LARGE1: variants seen among roughly 807,000 people sequenced by gnomAD.
LARGE1 encodes xylosyl- and glucuronyltransferase LARGE1.
A neutral mutation model predicts 87.6 loss-of-function variants in LARGE1; 43 were observed. The ratio of observed to expected loss-of-function variants is 0.49; its 90% CI spans 0.38 to 0.63. The LOEUF is 0.63. LARGE1 is among the 30% of genes least tolerant of loss of function. The probability of loss-of-function intolerance (pLI) is 0.00; values close to 1 mark genes in which losing one functional copy is unlikely to be tolerated. For synonymous variants in LARGE1, 434 were observed against 394.6 expected (o/e 1.10, Z -1.18); for missense variants, 802 against 1,000.2 (o/e 0.80, Z 2.67).
At chr22:33,686,027 C>T (rs772427520) in intron 2 of LARGE1, among the ~76,000 whole-genome samples, 54 of 152,112 alleles carry the variant, frequency 3.6e-4, no homozygotes, top group Non-Finnish European at 7.5e-4. Flanking sequence ...TAGTATTTAT[C>T]GACTCATCTA....
intron 11 of LARGE1, among the ~76,000 whole-genome samples, chr22:33,259,125 G>A (rs1034501354): frequency 3.9e-5 from 6 of 152,122 alleles, no homozygotes; most frequent in African/African-American, 1.2e-4. Context: ...TGATTTGCCC[G>A]CCTTGGCCTC....
At chr22:33,312,778 G>A (rs1349026703) in intron 11 of LARGE1, among the ~76,000 whole-genome samples, 2 of 152,222 alleles carry the variant, frequency 1.3e-5, no homozygotes, top group African/African-American at 4.8e-5. Flanking sequence ...GGGGACAGAT[G>A]CAGTTGAAAG....
chr22:33,497,518 G>A (rs912437195), intron 6 of LARGE1, among the ~76,000 whole-genome samples: 10 of 152,140 alleles, frequency 6.6e-5, no homozygotes, highest in Non-Finnish European at 1.5e-4. Context: ...TAATTATTCT[G>A]CACAGTGTCT....
At chr22:33,866,695 C>T (rs975221124) in intron 1 of LARGE1, among the ~76,000 whole-genome samples, 4 of 152,130 alleles carry the variant, frequency 2.6e-5, no homozygotes, top group Non-Finnish European at 5.9e-5. Context: ...CCAGATGGAG[C>T]CCTAGAATGG....
chr22:33,844,762 C>T, intron 1 of LARGE1, among the ~76,000 whole-genome samples: 1 of 151,444 alleles, frequency 6.6e-6, no homozygotes. Flanking sequence ...CTCTTGTTGC[C>T]CAGGCTGGAA....
chr22:33,539,147 G>C (rs939451939), intron 6 of LARGE1, among the ~76,000 whole-genome samples: 2 of 152,064 alleles, frequency 1.3e-5, no homozygotes, highest in African/African-American at 2.4e-5. Flanking sequence ...TTTGGATTGT[G>C]ATGAAAAATG....
At chr22:33,116,366 T>G in the LARGE1 span, 34 of 131,798 alleles carry the variant, frequency 2.6e-4, no homozygotes, top group African/African-American at 5.2e-4. Context: ...TCTTTTTTGT[T>G]TTTTTTGAGA....
At chr22:33,196,048 A>G (rs192333174) in intron 11 of LARGE1, among the ~76,000 whole-genome samples, 4,503 of 151,232 alleles carry the variant, frequency 0.03, 94 homozygotes, top group Admixed American at 0.056. Flanking sequence ...GTGAGCCACC[A>G]CACCTGGCCT....
intron 11 of LARGE1, among the ~76,000 whole-genome samples, chr22:33,201,214 A>C (rs993736413): frequency 2.0e-5 from 3 of 152,124 alleles, no homozygotes; most frequent in African/African-American, 7.2e-5. Context: ...AGGCTGAGGC[A>C]GGAGAATCAC....
intron 7 of LARGE1, among the ~76,000 whole-genome samples, chr22:33,430,737 C>G (rs574469993): frequency 2.6e-5 from 4 of 152,202 alleles, no homozygotes; most frequent in Non-Finnish European, 5.9e-5. Context: ...TTTCCTTGTC[C>G]TCCTCTAGCT....
intron 1 of LARGE1, among the ~76,000 whole-genome samples, chr22:33,887,102 A>G (rs753667357): frequency 6.6e-6 from 1 of 152,190 alleles, no homozygotes; most frequent in Admixed American, 6.5e-5. Flanking sequence ...CAGAATTCCA[A>G]GTGAAAAGAA....
chr22:33,177,777 C>G (rs577639408), intron 11 of LARGE1, among the ~76,000 whole-genome samples: 1 of 152,314 alleles, frequency 6.6e-6, no homozygotes, highest in East Asian at 1.9e-4. Context: ...TATGGTTTGA[C>G]TCTGCATCCC....
intron 13 of LARGE1, among the ~76,000 whole-genome samples, chr22:33,280,670 G>A (rs1418637660): frequency 6.6e-6 from 1 of 152,138 alleles, no homozygotes; most frequent in Non-Finnish European, 1.5e-5. Context: ...GTTAAAACAA[G>A]CCCCAGCCTG....
chr22:33,258,112 T>C (rs1393168337), intron 11 of LARGE1, among the ~76,000 whole-genome samples: 1 of 152,148 alleles, frequency 6.6e-6, no homozygotes, highest in African/African-American at 2.4e-5. Flanking sequence ...TACTGCAACC[T>C]CCACCTCCCA....
chr22:33,453,842 G>C (rs764917352), intron 6 of LARGE1, among the ~76,000 whole-genome samples: 2 of 152,200 alleles, frequency 1.3e-5, no homozygotes, highest in Non-Finnish European at 2.9e-5. Context: ...GGAAAAACCA[G>C]TTATTTGTCT....
At chr22:33,257,805 G>T (rs1261243349) in intron 11 of LARGE1, among the ~76,000 whole-genome samples, 3 of 152,126 alleles carry the variant, frequency 2.0e-5, no homozygotes, top group African/African-American at 7.2e-5. Flanking sequence ...ATCTATTTAG[G>T]ACCTACTACA....
At chr22:33,577,503 G>C (rs2148852729) in intron 5 of LARGE1, among the ~76,000 whole-genome samples, 1 of 152,298 alleles carries the variant, frequency 6.6e-6, no homozygotes. Flanking sequence ...AGTTCATCTG[G>C]ATATTTGGGG....
At chr22:33,220,677 G>T (rs892716674) in intron 11 of LARGE1, among the ~76,000 whole-genome samples, 1 of 152,184 alleles carries the variant, frequency 6.6e-6, no homozygotes, top group South Asian at 2.1e-4. Flanking sequence ...GCCTGAGCAC[G>T]GCGCTGAAGC....
intron 9 of LARGE1, among the ~76,000 whole-genome samples, chr22:33,356,954 T>C (rs1004243407): frequency 5.9e-5 from 9 of 152,162 alleles, no homozygotes; most frequent in African/African-American, 9.7e-5. Context: ...GAAAACAGCA[T>C]GGAGATTTCT....
Sources: allele counts gnomAD v4.1 joint callset (sites outside exome capture counted in the v4.1 genomes callset), GRCh38; gene constraint gnomAD v4.1.1; transcripts MANE v1.5; gene names NCBI Gene and HGNC (gene_info 2026-07-23, HGNC 2026-07-21).